The following DENND1A variants were observed in gnomAD, a reference collection of about 807,000 sequenced individuals.
The protein encoded by DENND1A is DENN domain containing 1A.
A neutral mutation model predicts 113.7 loss-of-function variants in DENND1A; 51 were observed. That is an observed-to-expected ratio of 0.45 (90% CI 0.36 to 0.57). DENND1A has a LOEUF of 0.57. Ranked by LOEUF, DENND1A falls within the 20% of genes least tolerant of loss-of-function variation. The pLI, the probability that DENND1A is intolerant of heterozygous loss-of-function variation, is 0.00. For synonymous variants in DENND1A, 565 were observed against 570.8 expected (o/e 0.99, Z 0.14); for missense variants, 1,258 against 1,395.9 (o/e 0.90, Z 1.57).
intron 2 of DENND1A, among the ~76,000 whole-genome samples, chr9:123,795,832 A>G (rs961713561): frequency 3.9e-5 from 6 of 152,242 alleles, no homozygotes; most frequent in Admixed American, 6.5e-5. Context: ...CAACACAAAA[A>G]TCTGCAGGGA....
intron 5 of DENND1A, among the ~76,000 whole-genome samples, chr9:123,699,688 C>CTTTTTTTTTTTTTTTTTT (rs34215948): frequency 1.1e-4 from 12 of 112,412 alleles, no homozygotes; most frequent in South Asian, 3.0e-4. Context: ...TTCTTTCTTT[C>CTTTTTTTTTTTTTTTTTT]TTTTTTTTTT....
At chr9:123,570,083 T>C (rs1247414232) in intron 12 of DENND1A, among the ~76,000 whole-genome samples, 2 of 152,156 alleles carry the variant, frequency 1.3e-5, no homozygotes, top group African/African-American at 2.4e-5. Flanking sequence ...CCAACCTCCA[T>C]GCATTCAGTT....
chr9:123,384,338 G>A (rs1400508392), intron 22 of DENND1A, among the ~76,000 whole-genome samples: 1 of 152,242 alleles, frequency 6.6e-6, no homozygotes, highest in Non-Finnish European at 1.5e-5. Context: ...CACAGCCACA[G>A]TCAGGTTCTG....
In DENND1A at chr9:123,382,314, C is replaced by A; in HGVS notation, c.2331G>T (p.Pro777=). 6.2e-7 allele frequency: 1 copy of A among 1,609,998 alleles called. No individual in the cohort carries two copies. The highest frequency in any genetic ancestry group is 8.5e-7 in the Non-Finnish European group (1 of 1,179,008). Residue 777 remains proline, a synonymous_variant, in exon 24 of 24, where the codon CCG becomes CCT. Transcript: ENST00000394215. ...KTPELGIVPP[P]PIPRPAKLQA... is the part of the protein sequence containing the mutation. ...GGAGCTTGGCCGGGCGGGGAATGGG[C>A]GGTGGAGGCACGATGCCCAGCTCTG...
chr9:123,684,038 T>G (rs1452309405), intron 5 of DENND1A, among the ~76,000 whole-genome samples: 1 of 152,196 alleles, frequency 6.6e-6, no homozygotes, highest in Non-Finnish European at 1.5e-5. Context: ...CAAGTGATTA[T>G]TCAAAGTAGA....
chr9:123,558,407 CAT>C (rs1239880752), intron 12 of DENND1A, among the ~76,000 whole-genome samples: 1 of 152,146 alleles, frequency 6.6e-6, no homozygotes, highest in African/African-American at 2.4e-5. Context: ...TACTAATAGA[CAT>C]GTACTCAAGA....
chr9:123,821,511 A>G (rs568805398), intron 2 of DENND1A, among the ~76,000 whole-genome samples: 2 of 152,336 alleles, frequency 1.3e-5, no homozygotes, highest in Admixed American at 1.3e-4. Context: ...ATGTGACTTG[A>G]CCACAATCTT....
chr9:123,649,220 A>C (rs1276363710), intron 9 of DENND1A, among the ~76,000 whole-genome samples: 1 of 152,224 alleles, frequency 6.6e-6, no homozygotes, highest in Non-Finnish European at 1.5e-5. Flanking sequence ...AGGTCTTCTT[A>C]TTCATAAACA....
intron 8 of DENND1A, among the ~76,000 whole-genome samples, chr9:123,653,831 T>C (rs1479874614): frequency 1.3e-5 from 2 of 151,924 alleles, no homozygotes; most frequent in South Asian, 4.2e-4. Flanking sequence ...GTGCTTTTCC[T>C]GTGTTCTTTC....
intron 19 of DENND1A, among the ~76,000 whole-genome samples, chr9:123,429,527 C>A (rs1021525955): frequency 1.3e-5 from 2 of 152,124 alleles, no homozygotes; most frequent in African/African-American, 4.8e-5. Context: ...TGCCCCCCAG[C>A]CTGGGTGACA....
intron 1 of DENND1A, among the ~76,000 whole-genome samples, chr9:123,897,856 G>A (rs550406934): frequency 1.3e-5 from 2 of 151,040 alleles, no homozygotes; most frequent in African/African-American, 4.9e-5. Context: ...TACTTAAGAG[G>A]ACTGCTTGAG....
chr9:123,395,499 A>T (rs1223371233), intron 21 of DENND1A, among the ~76,000 whole-genome samples: 36 of 84,838 alleles, frequency 4.2e-4, no homozygotes, highest in South Asian at 7.8e-4. Flanking sequence ...TGTGTGACAG[A>T]GAGAGAGAGA....
intron 19 of DENND1A, among the ~76,000 whole-genome samples, chr9:123,430,113 A>G (rs1338878571): frequency 6.6e-6 from 1 of 152,264 alleles, no homozygotes; most frequent in East Asian, 1.9e-4. Context: ...GTCATTAGAG[A>G]AATGCAAGTC....
At chr9:123,613,574 T>C (rs941993947) in intron 10 of DENND1A, among the ~76,000 whole-genome samples, 2 of 152,264 alleles carry the variant, frequency 1.3e-5, no homozygotes, top group Non-Finnish European at 2.9e-5. Context: ...TATACTCTGC[T>C]TCTCTTCTCC....
rs536073396 is a variant in DENND1A at position 123,431,122 on chromosome 9, C to A, written c.1488+9238G>T. On this transcript the variant is annotated intron_variant, in intron 19 of 23. Transcript: ENST00000394215. ...AATTTCTCTTTTGGATTTTATGTCT[C>A]ATGTACCCTAACTAAATGTAGACAC... Among the ~76,000 whole-genome samples, 3 of 152,324 alleles carry A rather than the reference C, an allele frequency of 2.0e-5. No homozygotes were observed. The South Asian group carries it at 6.2e-4, about 32-fold the overall frequency.
chr9:123,409,057 C>T (rs766301051), intron 20 of DENND1A, among the ~76,000 whole-genome samples: 1 of 152,152 alleles, frequency 6.6e-6, no homozygotes, highest in African/African-American at 2.4e-5. Flanking sequence ...TATCATCAGG[C>T]CTGTCATCAT....
intron 1 of DENND1A, among the ~76,000 whole-genome samples, chr9:123,917,653 A>ACC (rs972123128): frequency 6.6e-6 from 1 of 152,094 alleles, no homozygotes; most frequent in East Asian, 1.9e-4. Context: ...TAGCAAACCC[A>ACC]CCCCATCCCC....
At chr9:123,446,229 CT>C (rs2047297559) in intron 18 of DENND1A, among the ~76,000 whole-genome samples, 1 of 152,232 alleles carries the variant, frequency 6.6e-6, no homozygotes. Context: ...CCGCACCCTT[CT>C]TTTCCCAGGC....
chr9:123,687,004 C>T (rs2064852164), intron 5 of DENND1A, among the ~76,000 whole-genome samples: 1 of 152,148 alleles, frequency 6.6e-6, no homozygotes. Context: ...ACGCTCTATG[C>T]TTCAATGCCT....
Sources: gnomAD v4.1 joint callset for allele counts (sites outside exome capture counted in the v4.1 genomes callset) on GRCh38, gnomAD v4.1.1 for gene constraint, MANE v1.5 for transcripts, NCBI Gene and HGNC (gene_info 2026-07-23, HGNC 2026-07-21) for gene names.